The following GSE1 variants were observed in gnomAD, a reference collection of about 807,000 sequenced individuals.
GSE1 encodes the protein genetic suppressor element 1.
Under a neutral mutation model 112.6 loss-of-function variants are expected in GSE1, and 32 were observed. That is an observed-to-expected ratio of 0.28 (90% CI 0.21 to 0.38). The LOEUF (loss-of-function observed/expected upper bound fraction) is 0.38, where lower values mean the gene tolerates loss of function less well. GSE1 is among the 10% of genes least tolerant of loss of function. The pLI, the probability that GSE1 is intolerant of heterozygous loss-of-function variation, is 1.00. For missense variants in GSE1, 2,348 were observed against 1,699.2 expected (o/e 1.38, Z -6.71); for synonymous variants, 1,115 against 735.6 (o/e 1.52, Z -8.35).
At chr16:85,552,669 C>T (rs932501808), upstream of GSE1, among the ~76,000 whole-genome samples, 1 of 152,230 alleles carries the variant, frequency 6.6e-6, no homozygotes, top group African/African-American at 2.4e-5. Flanking sequence ...AGTGATCTTG[C>T]CTGGAAGCCA....
chr16:85,313,808 C>CT (rs568571450), intron 1 of GSE1, among the ~76,000 whole-genome samples: 46 of 152,368 alleles, frequency 3.0e-4, no homozygotes, highest in African/African-American at 1.1e-3. Flanking sequence ...CCACCCTGGG[C>CT]TGCGAGACCC....
intron 1 of GSE1, among the ~76,000 whole-genome samples, chr16:85,198,251 C>T (rs1473689035): frequency 6.6e-6 from 1 of 152,206 alleles, no homozygotes; most frequent in East Asian, 1.9e-4. Flanking sequence ...CTCAGAAAGA[C>T]CGAAGTCATG....
intron 1 of GSE1, among the ~76,000 whole-genome samples, chr16:85,600,124 C>A (rs1459920318): frequency 6.6e-6 from 1 of 152,228 alleles, no homozygotes; most frequent in Non-Finnish European, 1.5e-5. Flanking sequence ...CCTTCCTCTT[C>A]CAGGCCCGCT....
At chr16:85,614,706 C>G (rs987077001) in intron 1 of GSE1, among the ~76,000 whole-genome samples, 1 of 152,206 alleles carries the variant, frequency 6.6e-6, no homozygotes. Flanking sequence ...GTCGGTTTGG[C>G]TCTTACAAAC....
At chr16:85,319,278 G>A (rs1285602350) in intron 1 of GSE1, among the ~76,000 whole-genome samples, 6 of 152,204 alleles carry the variant, frequency 3.9e-5, no homozygotes, top group Admixed American at 1.3e-4. Flanking sequence ...CAGAACTTGC[G>A]ATCGGTGCCA....
At chr16:85,387,992 G>GTGGATGGATGGATGGATGGATGGATGGA (rs58416051) in intron 2 of GSE1, among the ~76,000 whole-genome samples, 1 of 103,140 alleles carries the variant, frequency 9.7e-6, no homozygotes, top group Admixed American at 8.9e-5. Flanking sequence ...GGATGGGTGG[G>GTGGATGGATGGATGGATGGATGGATGGA]TGGATGGATG....
chr16:85,285,283 G>C (rs78717255), intron 1 of GSE1: 14,994 of 152,196 alleles, frequency 0.099, 999 homozygotes, highest in African/African-American at 0.18. Context: ...GTGTGTGCTT[G>C]TCGATGTAGC....
chr16:85,363,465 T>C (rs2047124706), intron 2 of GSE1, among the ~76,000 whole-genome samples: 1 of 152,338 alleles, frequency 6.6e-6, no homozygotes, highest in Non-Finnish European at 1.5e-5. Context: ...CGACCAGGAC[T>C]GGACTTGCGT....
chr16:85,376,653 G>A (rs1356804254), intron 2 of GSE1, among the ~76,000 whole-genome samples: 1 of 152,226 alleles, frequency 6.6e-6, no homozygotes, highest in African/African-American at 2.4e-5. Flanking sequence ...GGAGCTGGAG[G>A]CCAGCCCAGA....
intron 2 of GSE1, among the ~76,000 whole-genome samples, chr16:85,465,905 C>T (rs977924496): frequency 1.3e-5 from 2 of 152,238 alleles, no homozygotes. Context: ...CTTCACTTCC[C>T]AGCTATTCAG....
intron 2 of GSE1, among the ~76,000 whole-genome samples, chr16:85,473,120 G>A (rs1462061593): frequency 1.3e-5 from 2 of 152,260 alleles, no homozygotes; most frequent in African/African-American, 4.8e-5. Context: ...AGCAGGAAGC[G>A]GGAGGGCCAC....
At chr16:85,663,808 C>A (rs552035144) in intron 11 of GSE1, among the ~76,000 whole-genome samples, 194 bp downstream of exon 11, 2 of 152,378 alleles carry the variant, frequency 1.3e-5, no homozygotes, top group African/African-American at 4.8e-5. Flanking sequence ...ACCTGACAGG[C>A]TTTGCTCTGA....
chr16:85,599,204 C>T (rs1001199757), intron 1 of GSE1, among the ~76,000 whole-genome samples: 4 of 152,192 alleles, frequency 2.6e-5, no homozygotes, highest in African/African-American at 7.2e-5. Context: ...AAACACATCT[C>T]GATATCAGAG....
intron 1 of GSE1, among the ~76,000 whole-genome samples, chr16:85,260,691 C>A (rs1222952686): frequency 1.3e-5 from 2 of 152,260 alleles, no homozygotes; most frequent in Non-Finnish European, 2.9e-5. Context: ...GGCTACGCCA[C>A]AGGGCCCTTT....
At chr16:85,595,206 T>G (rs1355905234) in intron 1 of GSE1, 1 of 152,434 alleles carries the variant, frequency 6.6e-6, no homozygotes, top group African/African-American at 2.4e-5. Context: ...CTCTGGCCCC[T>G]GCATCCCCTC....
At chr16:85,611,460 C>T, upstream of GSE1, 4 of 985,248 alleles carry the variant, frequency 4.1e-6, no homozygotes, top group Non-Finnish European at 4.8e-6. Context: ...AGGGGGGCGC[C>T]GCCGGTGAGC....
chr16:85,390,589 C>A (rs1468783615), intron 2 of GSE1, among the ~76,000 whole-genome samples: 1 of 152,166 alleles, frequency 6.6e-6, no homozygotes, highest in Non-Finnish European at 1.5e-5. Flanking sequence ...CATCCTGGCT[C>A]TGGCCTCTCC....
chr16:85,617,090 C>T (rs2048417962), intron 1 of GSE1, among the ~76,000 whole-genome samples: 2 of 152,258 alleles, frequency 1.3e-5, no homozygotes, highest in Admixed American at 6.5e-5. Context: ...CCTGTCCTAG[C>T]ATGGGCCATC....
intron 1 of GSE1, among the ~76,000 whole-genome samples, chr16:85,604,573 C>T (rs2047600993): frequency 6.7e-6 from 1 of 149,274 alleles, no homozygotes; most frequent in Admixed American, 6.7e-5. Flanking sequence ...ACACAGAGAC[C>T]ACATTTTGTT....
Sources: allele counts gnomAD v4.1 joint callset (sites outside exome capture counted in the v4.1 genomes callset), GRCh38; gene constraint gnomAD v4.1.1; transcripts MANE v1.5; gene names NCBI Gene and HGNC (gene_info 2026-07-23, HGNC 2026-07-21).